Variants in AKAP13 observed in about 807,000 individuals in gnomAD.
AKAP13 encodes A-kinase anchor protein 13.
AKAP13 carries 80 observed loss-of-function variants against 264.5 expected under a neutral mutation model. The observed-to-expected ratio is 0.30, with a 90% CI of 0.25 to 0.36. The LOEUF is 0.36. Among genes scored for constraint, AKAP13 ranks in the 10% least tolerant of loss-of-function variants. AKAP13 has a pLI of 1.00. For missense variants in AKAP13, 3,712 were observed against 3,435.2 expected (o/e 1.08, Z -2.01); for synonymous variants, 1,380 against 1,250.2 (o/e 1.10, Z -2.19).
intron 1 of AKAP13, among the ~76,000 whole-genome samples, chr15:85,416,199 T>C (rs905373437): frequency 3.3e-5 from 5 of 152,230 alleles, no homozygotes; most frequent in African/African-American, 9.6e-5. Flanking sequence ...ACACATAATA[T>C]TTAGTTAAAT....
At chr15:85,591,018 A>G (rs931891686) in intron 8 of AKAP13, among the ~76,000 whole-genome samples, 3 of 152,198 alleles carry the variant, frequency 2.0e-5, no homozygotes, top group African/African-American at 7.2e-5. Context: ...CTTCAGGAAT[A>G]GTTTCTTACA....
In AKAP13 at chr15:85,562,873, T is replaced by G. The variant is rs1416922955; in HGVS notation, c.663-12258T>G. ...ACCACGCCCAGCAGGTTTTTTTTGT[T>G]TTTTTTTTTTTTGTATTTTTAGTAG... On this transcript the variant is annotated intron_variant, in intron 5 of 36. Coordinates refer to ENST00000394518, the MANE Select transcript of AKAP13 (RefSeq NM_007200.5). 7.0e-4 allele frequency among the ~76,000 whole-genome samples: 3 copies of G among 4,286 alleles called. No individual in the cohort carries two copies. The East Asian group carries it at 0.25, about 357-fold the overall frequency. 2.8% of individuals were successfully genotyped at this position (4,286 alleles called of 152,430 possible).
At chr15:85,583,772 T>A (rs1300386762) in intron 7 of AKAP13, among the ~76,000 whole-genome samples, 1 of 152,228 alleles carries the variant, frequency 6.6e-6, no homozygotes, top group African/African-American at 2.4e-5. Flanking sequence ...TTTCAGACTT[T>A]GATTTTTATT....
At chr15:85,613,675 C>T (rs952286754) in intron 8 of AKAP13, among the ~76,000 whole-genome samples, 16 of 45,948 alleles carry the variant, frequency 3.5e-4, no homozygotes, top group Admixed American at 8.3e-4. Flanking sequence ...AGCCAGACTC[C>T]GTCTAAAAAA....
chr15:85,489,234 A>T (rs2075658002), intron 2 of AKAP13, among the ~76,000 whole-genome samples: 1 of 152,228 alleles, frequency 6.6e-6, no homozygotes, highest in Admixed American at 6.5e-5. Flanking sequence ...AAAAAGTTTC[A>T]TTCTGTTAGG....
At chr15:85,630,250 C>CACACACACACACAA (rs2081688015) in intron 8 of AKAP13, among the ~76,000 whole-genome samples, 3 of 150,824 alleles carry the variant, frequency 2.0e-5, no homozygotes, top group Non-Finnish European at 4.4e-5. Flanking sequence ...CACACACACA[C>CACACACACACACAA]ACACACACAC....
chr15:85,400,874 AT>A (rs55704204), intron 1 of AKAP13, among the ~76,000 whole-genome samples: 11,077 of 120,004 alleles, frequency 0.092, 635 homozygotes, highest in East Asian at 0.3. Flanking sequence ...ATATATATAT[AT>A]TTTTTTTTTT....
intron 4 of AKAP13, chr15:85,537,115 C>G (rs1276128626): frequency 6.6e-6 from 1 of 152,124 alleles, no homozygotes; most frequent in Non-Finnish European, 1.5e-5. Flanking sequence ...AGTTCACATT[C>G]TGCAGTTTAA....
chr15:85,616,898 G>A (rs2080958469), intron 8 of AKAP13, among the ~76,000 whole-genome samples: 1 of 152,078 alleles, frequency 6.6e-6, no homozygotes, highest in East Asian at 1.9e-4. Context: ...TCCCACCCAG[G>A]GTATTTGTCC....
chr15:85,581,243 T>C lies in AKAP13; in HGVS notation c.3175T>C (p.Cys1059Arg). 1 of 1,614,138 alleles carries C rather than the reference T, an allele frequency of 6.2e-7. No individual in the cohort carries two copies. Among genetic ancestry groups the C allele is most frequent in the Non-Finnish European group, 8.5e-7 (1 of 1,180,008 alleles). ...GTCTGATGGGTCCGATGCTCTTAAC[T>C]GCAGTCAGCCTTCTCCTCTGGATGT... ...DGSDGSDALN[C>R]SQPSPLDVGV... The change falls in exon 7 of 37, where the codon TGC (cysteine) becomes CGC (arginine). Residue 1059 changes from cysteine (C) to arginine (R), a missense_variant. Physicochemically the swap from Cys to Arg is radical, Grantham distance 180. Coordinates refer to ENST00000394518, the MANE Select transcript of AKAP13 (RefSeq NM_007200.5).
rs2084939230 is a variant in AKAP13 at position 85,686,512 on chromosome 15, AAGT to A, written c.5289+1642_5289+1644del. 2.0e-5 allele frequency among the ~76,000 whole-genome samples: 3 copies of A among 152,176 alleles called. No individual in the cohort carries two copies. In the South Asian group the frequency reaches 6.2e-4, roughly 32 times the overall value. ...CCTGTGCAAGTACAGAATGGAGAGA[AAGT>A]AGGCAATCAGGGAGAGATGCAAAGA... On this transcript the variant is annotated intron_variant, in intron 16 of 36. Transcript: ENST00000394518.
At chr15:85,590,969 T>A (rs1394085142) in intron 8 of AKAP13, among the ~76,000 whole-genome samples, 1 of 152,184 alleles carries the variant, frequency 6.6e-6, no homozygotes, top group Non-Finnish European at 1.5e-5. Context: ...AATATGGTGG[T>A]TCAGACTCAG....
intron 5 of AKAP13, among the ~76,000 whole-genome samples, chr15:85,559,798 C>A (rs1241148324): frequency 1.3e-5 from 2 of 151,812 alleles, no homozygotes; most frequent in South Asian, 4.2e-4. Context: ...GCACTTACTT[C>A]CTACTGTGTG....
chr15:85,613,141 G>A (rs2080743768), intron 8 of AKAP13, among the ~76,000 whole-genome samples: 1 of 152,134 alleles, frequency 6.6e-6, no homozygotes, highest in Admixed American at 6.6e-5. Context: ...AAATACAACA[G>A]TCTTTAGGAT....
At chr15:85,682,559 CTG>C (rs201626067) in intron 15 of AKAP13, among the ~76,000 whole-genome samples, 3,787 of 152,162 alleles carry the variant, frequency 0.025, 70 homozygotes, top group Middle Eastern at 0.048. Context: ...ATATTAGTGT[CTG>C]TGTGTGTGTG....
chr15:85,629,592 A>C (rs1278773595), intron 8 of AKAP13, among the ~76,000 whole-genome samples: 1 of 152,054 alleles, frequency 6.6e-6, no homozygotes, highest in Non-Finnish European at 1.5e-5. Flanking sequence ...TATAAATACA[A>C]TATAGTTCAT....
chr15:85,662,967 A>G (rs2083428869), intron 12 of AKAP13, among the ~76,000 whole-genome samples: 1 of 152,158 alleles, frequency 6.6e-6, no homozygotes. Flanking sequence ...TAGGCTTTTC[A>G]AGTAATTTCT....
At chr15:85,697,493 C>A (rs925848258) in intron 17 of AKAP13, among the ~76,000 whole-genome samples, 1 of 152,036 alleles carries the variant, frequency 6.6e-6, no homozygotes, top group Non-Finnish European at 1.5e-5. Flanking sequence ...CTCTTGAACC[C>A]GGGAGGCGGA....
Position 85,724,443 on chromosome 15 carries a change from AG to A in AKAP13, c.6745+1125del, listed in dbSNP as rs1412056244. On this transcript the variant is annotated intron_variant, in intron 26 of 36. Transcript: ENST00000394518. This position sits in a 1 kb window ranked among gnomAD's most constrained non-coding sequence, Gnocchi z 4.2. Reference sequence around the variant, plus strand: ...TAAGGAGAAAGTGTTCCCCACACTAAGGAAGAGAAAGTGGAAGCACAGAGTT... The same window carrying A: ...TAAGGAGAAAGTGTTCCCCACACTAAGAAGAGAAAGTGGAAGCACAGAGTT... 6.6e-6 allele frequency among the ~76,000 whole-genome samples: 1 copy of A among 152,074 alleles called. No homozygotes were observed. Among genetic ancestry groups the A allele is most frequent in the Non-Finnish European group, 1.5e-5 (1 of 68,020 alleles).
Sources: allele counts gnomAD v4.1 joint callset (sites outside exome capture counted in the v4.1 genomes callset), GRCh38; gene constraint gnomAD v4.1.1; non-coding constraint Gnocchi (gnomAD v3.1); transcripts MANE v1.5; gene names NCBI Gene and HGNC (gene_info 2026-07-23, HGNC 2026-07-21).